RAB22A: variants seen among roughly 807,000 people sequenced by gnomAD.
The protein encoded by RAB22A is ras-related protein Rab-22A.
A neutral mutation model predicts 30.2 loss-of-function variants in RAB22A; 13 were observed. That is an observed-to-expected ratio of 0.43 (90% CI 0.28 to 0.68). RAB22A has a LOEUF of 0.68. Ranked by LOEUF, RAB22A falls within the 30% of genes least tolerant of loss-of-function variation. The pLI is 0.18. For synonymous variants in RAB22A, 89 were observed against 87.2 expected (o/e 1.02, Z -0.11); for missense variants, 177 against 246.8 (o/e 0.72, Z 1.89).
intron 2 of RAB22A, among the ~76,000 whole-genome samples, chr20:58,316,639 C>T (rs1600723092): frequency 1.3e-5 from 2 of 152,138 alleles, no homozygotes; most frequent in South Asian, 2.1e-4. Context: ...GCTCCCTGCA[C>T]GTGGGTGAGT....
chr20:58,361,382 T>C lies in RAB22A; in HGVS notation c.*1679T>C, dbSNP rs1271905081. On this transcript the variant is annotated 3_prime_UTR_variant, in exon 7 of 7. Coordinates refer to ENST00000244040, the MANE Select transcript of RAB22A (RefSeq NM_020673.3). ...GATTAAATAAAAAACAATTCCCTTTTCCCTGTTGTATATCTTAAGCATTTG... is the reference window on the plus strand; with the variant it reads ...GATTAAATAAAAAACAATTCCCTTTCCCCTGTTGTATATCTTAAGCATTTG... 3 of 152,378 alleles carry C rather than the reference T, an allele frequency of 2.0e-5. No homozygotes were observed. In the East Asian group the frequency reaches 5.8e-4, roughly 29 times the overall value. The allele number at this position is 152,378 out of a possible 1,614,324, so 9.4% of individuals were successfully genotyped here. A position where few individuals can be genotyped will look rare whatever the true frequency, so the allele number is the denominator to read the frequency against.
intron 2 of RAB22A, among the ~76,000 whole-genome samples, chr20:58,316,782 C>T (rs147443645): frequency 2.4e-4 from 36 of 152,322 alleles, no homozygotes; most frequent in Non-Finnish European, 4.6e-4. Context: ...CGTGAACTCT[C>T]TCTCAGAGGC....
intron 2 of RAB22A, among the ~76,000 whole-genome samples, chr20:58,313,861 G>C (rs1270448920): frequency 1.3e-5 from 2 of 151,922 alleles, no homozygotes; most frequent in Non-Finnish European, 2.9e-5. Flanking sequence ...GCTGCTTTGG[G>C]GCTACAATGA....
In RAB22A at chr20:58,366,928, A is replaced by T. The variant is rs1256001891; in HGVS notation, c.*7225A>T. ...GAGCCTAGACATTTTTCAAAAAAAA[A>T]AGCTAAGCCGTCCTACCAGCAATCT... On this transcript the variant is annotated 3_prime_UTR_variant, in exon 7 of 7. Coordinates refer to ENST00000244040, the MANE Select transcript of RAB22A (RefSeq NM_020673.3). The T allele has an allele frequency of 6.6e-6, 1 of 152,622 alleles. No individual in the cohort carries two copies. The highest frequency in any genetic ancestry group is 1.5e-5 in the Non-Finnish European group (1 of 68,032). 9.5% of individuals were successfully genotyped at this position (152,622 alleles called of 1,614,324 possible). A position where few individuals can be genotyped will look rare whatever the true frequency, so the allele number is the denominator to read the frequency against.
intron 2 of RAB22A, among the ~76,000 whole-genome samples, chr20:58,320,870 A>T (rs564449870): frequency 2.6e-5 from 4 of 152,218 alleles, no homozygotes; most frequent in Middle Eastern, 3.2e-3. Context: ...AGCCTGGCCA[A>T]CATGGTGAAA....
chr20:58,335,046 C>T (rs1309841342), intron 2 of RAB22A, among the ~76,000 whole-genome samples: 2 of 152,138 alleles, frequency 1.3e-5, no homozygotes, highest in African/African-American at 4.8e-5. Flanking sequence ...GGGCAAAGTG[C>T]GATATAGTCA....
chr20:58,339,264 A>G (rs962007840), intron 2 of RAB22A, among the ~76,000 whole-genome samples: 3 of 152,250 alleles, frequency 2.0e-5, no homozygotes, highest in Admixed American at 1.3e-4. Flanking sequence ...TTTAGATTAA[A>G]GACATAATAA....
intron 6 of RAB22A, among the ~76,000 whole-genome samples, chr20:58,356,972 C>G (rs1174216422): frequency 1.3e-5 from 2 of 152,156 alleles, no homozygotes; most frequent in East Asian, 1.9e-4. Flanking sequence ...CAGTACTGCT[C>G]TAAACATTCT....
chr20:58,340,856 G>C (rs1044736522), intron 2 of RAB22A, among the ~76,000 whole-genome samples: 1 of 152,168 alleles, frequency 6.6e-6, no homozygotes, highest in African/African-American at 2.4e-5. Context: ...CCAAACGATG[G>C]GGAGCATCTG....
At chr20:58,316,656 G>A (rs1015326931) in intron 2 of RAB22A, among the ~76,000 whole-genome samples, 1 of 152,172 alleles carries the variant, frequency 6.6e-6, no homozygotes, top group Non-Finnish European at 1.5e-5. Flanking sequence ...GAGTCCTACT[G>A]CAGCAGCACC....
intron 2 of RAB22A, among the ~76,000 whole-genome samples, chr20:58,314,723 C>T (rs914204975): frequency 1.3e-5 from 2 of 152,006 alleles, no homozygotes; most frequent in South Asian, 2.1e-4. Flanking sequence ...CACCTGTAAT[C>T]GCAGCTACTT....
intron 6 of RAB22A, among the ~76,000 whole-genome samples, 176 bp downstream of exon 6, chr20:58,354,441 C>A (rs1032104563): frequency 6.6e-6 from 1 of 152,146 alleles, no homozygotes; most frequent in Admixed American, 6.5e-5. Context: ...GTTATAGTTG[C>A]TGAAGAGCTG....
At chr20:58,332,785 A>G (rs1353368430) in intron 2 of RAB22A, among the ~76,000 whole-genome samples, 1 of 152,078 alleles carries the variant, frequency 6.6e-6, no homozygotes, top group Non-Finnish European at 1.5e-5. Flanking sequence ...TACAAAACAA[A>G]CCACAACTCC....
chr20:58,339,422 A>G lies in RAB22A; in HGVS notation c.117-4296A>G, dbSNP rs185218479. Among the ~76,000 whole-genome samples the G allele has an allele frequency of 9.2e-4, 140 of 152,356 alleles. 1 individual carries two copies. The highest frequency in any genetic ancestry group is 3.3e-3 in the African/African-American group (137 of 41,592). ...TTTCAAAAAGCAAGATATTAAAGTT[A>G]TCATACCCTCTGCATCATTTAACTT... On this transcript the variant is annotated intron_variant, in intron 2 of 6. Transcript: ENST00000244040.
chr20:58,344,744 A>G (rs1367252575), intron 3 of RAB22A, among the ~76,000 whole-genome samples: 1 of 152,234 alleles, frequency 6.6e-6, no homozygotes, highest in African/African-American at 2.4e-5. Context: ...GTAGTATGAA[A>G]TCTGACAAGA....
rs976578502 is a variant in RAB22A at position 58,353,275 on chromosome 20, T to C, written c.201T>C (p.Phe67=). ...LIWDTAGQER[F]RALAPMYYRG... is the part of the protein sequence containing the mutation. ...TTATTTTTCCCCCTCCTCTGCAGTT[T>C]CGTGCCTTAGCACCAATGTACTATC... Residue 67 remains phenylalanine, a splice_region_variant and synonymous_variant, in exon 4 of 7, where the codon TTT becomes TTC. Coordinates refer to ENST00000244040, the MANE Select transcript of RAB22A (RefSeq NM_020673.3). The C allele has an allele frequency of 3.1e-6, 5 of 1,613,260 alleles. No homozygotes were observed. The highest frequency in any genetic ancestry group is 1.7e-5 in the Admixed American group (1 of 59,874).
chr20:58,344,114 A>C lies in RAB22A; in HGVS notation c.198+315A>C, dbSNP rs536819109. Among the ~76,000 whole-genome samples the C allele has an allele frequency of 3.3e-5, 5 of 152,340 alleles. No homozygotes were observed. In the East Asian group the frequency reaches 9.6e-4, roughly 29 times the overall value. On this transcript the variant is annotated intron_variant, in intron 3 of 6. Coordinates refer to ENST00000244040, the MANE Select transcript of RAB22A (RefSeq NM_020673.3). ...TAATTTGGGGCTCTCTCCTCTAGTA[A>C]AGATATATAAAGCAATTAGTGGTAG...
chr20:58,336,168 C>T (rs1421427052), intron 2 of RAB22A, among the ~76,000 whole-genome samples: 1 of 152,090 alleles, frequency 6.6e-6, no homozygotes, highest in East Asian at 1.9e-4. Context: ...CACCACGACG[C>T]CCAGCTAATT....
intron 2 of RAB22A, among the ~76,000 whole-genome samples, chr20:58,334,665 A>G (rs1986715307): frequency 1.3e-5 from 2 of 150,614 alleles, no homozygotes. Context: ...ACTCCGTGAT[A>G]TAAAATATAT....
Sources: gnomAD v4.1 joint callset for allele counts (sites outside exome capture counted in the v4.1 genomes callset) on GRCh38, gnomAD v4.1.1 for gene constraint, MANE v1.5 for transcripts, NCBI Gene and HGNC (gene_info 2026-07-23, HGNC 2026-07-21) for gene names.